The following SPAG16 variants were observed in gnomAD, a reference collection of about 807,000 sequenced individuals.
The protein encoded by SPAG16 is sperm associated antigen 16, also known as sperm-associated antigen 16 protein.
A neutral mutation model predicts 80.4 loss-of-function variants in SPAG16; 86 were observed. That is an observed-to-expected ratio of 1.07 (90% CI 0.90 to 1.28). The LOEUF is 1.28. Ranked by LOEUF, SPAG16 falls within the 50% of genes most tolerant of loss-of-function variation. The pLI, the probability that SPAG16 is intolerant of heterozygous loss-of-function variation, is 0.00. For synonymous variants in SPAG16, 294 were observed against 265.9 expected (o/e 1.11, Z -1.03); for missense variants, 870 against 765.3 (o/e 1.14, Z -1.61).
chr2:213,971,003 A>G (rs2045018340), intron 12 of SPAG16, among the ~76,000 whole-genome samples: 1 of 152,184 alleles, frequency 6.6e-6, no homozygotes, highest in Admixed American at 6.5e-5. Flanking sequence ...AGTGAATATA[A>G]TATGTATATT....
chr2:213,892,680 G>A (rs188787314), intron 11 of SPAG16, among the ~76,000 whole-genome samples: 32 of 152,168 alleles, frequency 2.1e-4, no homozygotes, highest in African/African-American at 5.8e-4. Flanking sequence ...AAAATTCATC[G>A]AAGACTCTCG....
At chr2:214,019,073 T>TATAAAACC (rs57494025) in intron 13 of SPAG16, among the ~76,000 whole-genome samples, 60,870 of 151,838 alleles carry the variant, frequency 0.4, 12,540 homozygotes, top group South Asian at 0.69. Flanking sequence ...TCTTCAAAGT[T>TATAAAACC]GAAGACTATT....
chr2:214,230,692 A>G (rs1688632224), intron 15 of SPAG16, among the ~76,000 whole-genome samples: 2 of 151,938 alleles, frequency 1.3e-5, no homozygotes. Flanking sequence ...GAGGACACCA[A>G]CATTCTTGGA....
At chr2:213,583,933 G>A (rs890023399) in intron 10 of SPAG16, among the ~76,000 whole-genome samples, 1 of 152,132 alleles carries the variant, frequency 6.6e-6, no homozygotes, top group Admixed American at 6.6e-5. Context: ...CAACGTGAGT[G>A]CAGTTTCTTT....
intron 10 of SPAG16, among the ~76,000 whole-genome samples, chr2:213,655,037 C>G (rs1028278921): frequency 6.6e-6 from 1 of 152,170 alleles, no homozygotes; most frequent in African/African-American, 2.4e-5. Context: ...CCATATGATA[C>G]TACAATGGTG....
intron 10 of SPAG16, among the ~76,000 whole-genome samples, chr2:213,657,976 C>G (rs966412113): frequency 1.3e-5 from 2 of 152,156 alleles, no homozygotes; most frequent in African/African-American, 4.8e-5. Context: ...AATCCATTCT[C>G]AATCCCTTTC....
chr2:214,229,646 T>G (rs889386186), intron 15 of SPAG16, among the ~76,000 whole-genome samples: 1 of 151,754 alleles, frequency 6.6e-6, no homozygotes, highest in Admixed American at 6.6e-5. Flanking sequence ...ATTAAAAAAC[T>G]ATAATTTGGA....
rs1056364450 is a variant in SPAG16, at chr2:213,926,082, G to A, written c.1215-3878G>A. On this transcript the variant is annotated intron_variant, in intron 11 of 15. Transcript: ENST00000331683. Reference sequence around the variant, plus strand: ...ATTCTCAACCCTTAATTCTTTGAATGTTACATCTATCTTTTATTTCCATTC... The same window carrying A: ...ATTCTCAACCCTTAATTCTTTGAATATTACATCTATCTTTTATTTCCATTC... Among the ~76,000 whole-genome samples the A allele has an allele frequency of 4.0e-5, 6 of 151,844 alleles. No individual in the cohort carries two copies. The South Asian group carries it at 6.2e-4, about 16-fold the overall frequency.
intron 13 of SPAG16, among the ~76,000 whole-genome samples, chr2:214,077,185 A>G (rs960845168): frequency 6.6e-6 from 1 of 152,146 alleles, no homozygotes; most frequent in African/African-American, 2.4e-5. Context: ...ATAACAGGCA[A>G]CCACAACCTC....
At chr2:214,164,018 A>G (rs1045192495) in intron 15 of SPAG16, among the ~76,000 whole-genome samples, 6 of 152,122 alleles carry the variant, frequency 3.9e-5, no homozygotes, top group African/African-American at 1.4e-4. Context: ...CATATGTACA[A>G]TGGCCTATCC....
chr2:213,799,960 GAAAAAAAA>G (rs11296127), intron 10 of SPAG16, among the ~76,000 whole-genome samples: 1 of 130,588 alleles, frequency 7.7e-6, no homozygotes, highest in East Asian at 2.2e-4. Context: ...AGACTGGATT[GAAAAAAAA>G]AAAAAAAAGA....
intron 15 of SPAG16, among the ~76,000 whole-genome samples, chr2:214,290,231 G>A (rs942645540): frequency 1.3e-5 from 2 of 152,000 alleles, no homozygotes; most frequent in Non-Finnish European, 2.9e-5. Flanking sequence ...GATCTCTGAT[G>A]ATCTTTTGTA....
intron 9 of SPAG16, among the ~76,000 whole-genome samples, chr2:213,484,692 T>A (rs570089964): frequency 1.6e-4 from 25 of 152,320 alleles, no homozygotes; most frequent in African/African-American, 5.8e-4. Flanking sequence ...AAATGGTCAG[T>A]GATTAATTAT....
At chr2:214,324,991 A>G (rs1696373514) in intron 15 of SPAG16, among the ~76,000 whole-genome samples, 2 of 152,214 alleles carry the variant, frequency 1.3e-5, no homozygotes, top group South Asian at 4.1e-4. Context: ...ATGACATTTT[A>G]ATACCAAAAA....
chr2:213,742,266 T>C (rs774116831), intron 10 of SPAG16, among the ~76,000 whole-genome samples: 33 of 152,200 alleles, frequency 2.2e-4, no homozygotes, highest in Non-Finnish European at 4.0e-4. Context: ...TTCTGTCTTA[T>C]ATACTTCTAG....
At chr2:213,555,937 A>T (rs2059410238) in intron 10 of SPAG16, among the ~76,000 whole-genome samples, 1 of 152,192 alleles carries the variant, frequency 6.6e-6, no homozygotes. Flanking sequence ...TTGTGACATC[A>T]AAAACATAAA....
chr2:213,505,782 T>G (rs1433279055), intron 10 of SPAG16, among the ~76,000 whole-genome samples: 2 of 152,102 alleles, frequency 1.3e-5, no homozygotes, highest in Non-Finnish European at 2.9e-5. Context: ...TAGAAATCCC[T>G]ACAAGCCCCA....
At chr2:214,235,467 A>G (rs943848832) in intron 15 of SPAG16, among the ~76,000 whole-genome samples, 1 of 152,182 alleles carries the variant, frequency 6.6e-6, no homozygotes. Flanking sequence ...TCAAATAAAT[A>G]AATATTGAAC....
intron 10 of SPAG16, among the ~76,000 whole-genome samples, chr2:213,785,530 T>A (rs1300027388): frequency 6.6e-6 from 1 of 152,204 alleles, no homozygotes; most frequent in African/African-American, 2.4e-5. Flanking sequence ...ATATTATTGG[T>A]CAAACTTTTA....
Sources: allele counts gnomAD v4.1 joint callset (sites outside exome capture counted in the v4.1 genomes callset), GRCh38; gene constraint gnomAD v4.1.1; transcripts MANE v1.5; gene names NCBI Gene and HGNC (gene_info 2026-07-23, HGNC 2026-07-21).